The following SUN1 variants were observed in gnomAD, a reference collection of about 807,000 sequenced individuals.
SUN1 encodes SUN domain-containing protein 1.
A neutral mutation model predicts 103.2 loss-of-function variants in SUN1; 61 were observed. That is an observed-to-expected ratio of 0.59 (90% CI 0.48 to 0.73). The LOEUF (loss-of-function observed/expected upper bound fraction) is 0.73. Among genes scored for constraint, SUN1 ranks in the 30% least tolerant of loss-of-function variants. SUN1 has a pLI of 0.00. For synonymous variants in SUN1, 490 were observed against 425.7 expected, an observed-to-expected ratio of 1.15 and a Z score of -1.86; for missense variants, 1,052 against 1,034.6, an observed-to-expected ratio of 1.02 and a Z score of -0.23.
upstream of SUN1, chr7:830,859 T>C: frequency 1.3e-6 from 1 of 788,138 alleles, no homozygotes; most frequent in Middle Eastern, 6.5e-4. Flanking sequence ...CTTTGGGTTG[T>C]TGCTCGGCAG....
intron 1 of SUN1, among the ~76,000 whole-genome samples, chr7:836,794 C>T (rs1803674559): frequency 6.6e-6 from 1 of 152,238 alleles, no homozygotes; most frequent in African/African-American, 2.4e-5. Context: ...GTCAGGTTGA[C>T]ACATGCAGGT....
intron 5 of SUN1, among the ~76,000 whole-genome samples, chr7:846,679 C>T (rs1816139596): frequency 6.6e-6 from 1 of 152,048 alleles, no homozygotes; most frequent in Non-Finnish European, 1.5e-5. Flanking sequence ...AGTTTGAGAC[C>T]AGCCTGGGCA....
chr7:867,645 A>G (rs776760308), intron 16 of SUN1, among the ~76,000 whole-genome samples: 15 of 152,230 alleles, frequency 9.9e-5, no homozygotes, highest in Non-Finnish European at 2.1e-4. Flanking sequence ...CAGACTTCAT[A>G]TAAATCACCA....
At chr7:842,175 G>A in intron 3 of SUN1, 45 bp downstream of exon 3, 1 of 1,593,390 alleles carries the variant, frequency 6.3e-7, no homozygotes, top group Non-Finnish European at 8.6e-7. Context: ...CAGTTGGGGT[G>A]TTTCTCAGAT....
chr7:832,718 TG>T, intron 1 of SUN1, 117 bp downstream of exon 1: 1 of 786,670 alleles, frequency 1.3e-6, no homozygotes, highest in Non-Finnish European at 2.1e-6. Flanking sequence ...ATTTTGAAGG[TG>T]AAAAAAAATA....
chr7:851,711 A>G, intron 6 of SUN1: 1 of 628,150 alleles, frequency 1.6e-6, no homozygotes, highest in Admixed American at 2.9e-5. Flanking sequence ...GGCTGCCTGA[A>G]TGCCCGGTGC....
chr7:825,121 C>G (rs1052564655), intron 1 of SUN1, among the ~76,000 whole-genome samples: 39 of 152,026 alleles, frequency 2.6e-4, no homozygotes, highest in African/African-American at 4.6e-4. Flanking sequence ...TGCAGTGGCA[C>G]GATCTCAGCT....
At chr7:829,929 AG>A (rs1475526680), upstream of SUN1, among the ~76,000 whole-genome samples, 1 of 152,190 alleles carries the variant, frequency 6.6e-6, no homozygotes, top group Non-Finnish European at 1.5e-5. Flanking sequence ...CTGACGCCTG[AG>A]TGCTTGTCAC....
Position 869,471 on chromosome 7 carries a change from G to T in SUN1, c.2103G>T (p.Ser701=). The T allele has an allele frequency of 6.2e-7, 1 of 1,613,730 alleles. No homozygotes were observed. Among genetic ancestry groups the T allele is most frequent in the South Asian group, 1.1e-5 (1 of 91,076 alleles). The change falls in exon 17 of 19, where the codon TCG becomes TCT. Residue 701 remains serine (S), a synonymous_variant. Coordinates refer to ENST00000401592, the MANE Select transcript of SUN1 (RefSeq NM_001130965.3). ...FTLEHIPKTL[S]PTGNISSAPK... ...TGGAGCACATCCCTAAGACGCTGTCGCCAACAGGCAACATCAGCAGCGCCC... is the reference window on the plus strand; with the variant it reads ...TGGAGCACATCCCTAAGACGCTGTCTCCAACAGGCAACATCAGCAGCGCCC...
At chr7:841,708 G>A (rs999235417) in intron 2 of SUN1, 25 of 480,454 alleles carry the variant, frequency 5.2e-5, no homozygotes, top group South Asian at 2.4e-4. Context: ...GGGTCATGGT[G>A]CCCAAAATAA....
At chr7:868,426 G>T in intron 16 of SUN1, 1 of 283,632 alleles carries the variant, frequency 3.5e-6, no homozygotes, top group South Asian at 3.1e-5. Flanking sequence ...GCTGCACCGT[G>T]GCCGGGTTAG....
At chr7:867,089 C>T (rs1342615873) in intron 16 of SUN1, among the ~76,000 whole-genome samples, 1 of 152,212 alleles carries the variant, frequency 6.6e-6, no homozygotes, top group Non-Finnish European at 1.5e-5. Flanking sequence ...TGTGACCTGA[C>T]GTTGAGGATC....
intron 1 of SUN1, chr7:832,910 C>A (rs190740316): frequency 3.9e-4 from 113 of 292,668 alleles, no homozygotes; most frequent in Middle Eastern, 1.9e-3. Flanking sequence ...TTTGTGAGAA[C>A]GTATCAGTGG....
chr7:827,756 G>A (rs1206856639), upstream of SUN1, among the ~76,000 whole-genome samples: 2 of 150,212 alleles, frequency 1.3e-5, no homozygotes, highest in Non-Finnish European at 3.0e-5. Context: ...GTGAGCCACC[G>A]TGCCTGGCCT....
chr7:843,553 G>A (rs374695484), intron 5 of SUN1, 33 bp downstream of exon 5: 10 of 1,613,850 alleles, frequency 6.2e-6, no homozygotes, highest in Non-Finnish European at 8.5e-6. Flanking sequence ...TCAGAAAAAG[G>A]TGTGTTTTCC....
Position 857,941 on chromosome 7 carries a change from A to G in SUN1, c.1508A>G (p.Asp503Gly). Residue 503 changes from aspartate (D) to glycine (G), a missense_variant, in exon 13 of 19, where the codon GAT becomes GGT. By Grantham distance (94) the Asp-to-Gly change is moderately conservative (BLOSUM62 -1). This residue lies in a region of SUN1 where 846 missense variants were observed against 774.5 expected (regional missense o/e 1.09). Coordinates refer to ENST00000401592, the MANE Select transcript of SUN1 (RefSeq NM_001130965.3). Reference sequence around the variant, plus strand: ...GTGAAGACCGGCTGTGAGACAGTGGATGCCGTACAAGAAAGAGTGAGCTTT... The same window carrying G: ...GTGAAGACCGGCTGTGAGACAGTGGGTGCCGTACAAGAAAGAGTGAGCTTT... ...RHVKTGCETV[D>G]AVQERVDVQV... 1 of 1,587,674 alleles carries G rather than the reference A, an allele frequency of 6.3e-7. No individual in the cohort carries two copies. Among genetic ancestry groups the G allele is most frequent in the African/African-American group, 1.3e-5 (1 of 74,512 alleles).
At chr7:836,883 A>G (rs958192859) in intron 1 of SUN1, among the ~76,000 whole-genome samples, 9 of 152,158 alleles carry the variant, frequency 5.9e-5, no homozygotes, top group African/African-American at 2.2e-4. Context: ...CTGGGAAGAA[A>G]AATGCAGGGC....
chr7:852,499 C>G, intron 7 of SUN1, 110 bp from the exon 8 acceptor site: 6 of 1,307,698 alleles, frequency 4.6e-6, no homozygotes, highest in Non-Finnish European at 5.5e-6. Flanking sequence ...AACTGCTTTT[C>G]TAATACTGGG....
chr7:834,542 T>A (rs551649617), intron 1 of SUN1, among the ~76,000 whole-genome samples: 1 of 152,192 alleles, frequency 6.6e-6, no homozygotes, highest in Non-Finnish European at 1.5e-5. Context: ...CTGGCCGGCC[T>A]TGCGTTGGGT....
Sources: allele counts gnomAD v4.1 joint callset (sites outside exome capture counted in the v4.1 genomes callset), GRCh38; gene constraint gnomAD v4.1.1; regional missense constraint gnomAD v4.1.1; transcripts MANE v1.5; gene names NCBI Gene and HGNC (gene_info 2026-07-23, HGNC 2026-07-21).